PPFIA2: variants seen among roughly 807,000 people sequenced by gnomAD.
The protein encoded by PPFIA2 is liprin-alpha-2.
A neutral mutation model predicts 175.5 loss-of-function variants in PPFIA2; 46 were observed. The ratio of observed to expected loss-of-function variants is 0.26; its 90% CI spans 0.21 to 0.34. The LOEUF is 0.34. Ranked by LOEUF, PPFIA2 falls within the 10% of genes least tolerant of loss-of-function variation. The probability of loss-of-function intolerance (pLI) is 1.00; values close to 1 mark genes in which losing one functional copy is unlikely to be tolerated. For missense variants in PPFIA2, 1,179 were observed against 1,506.1 expected (o/e 0.78, Z 3.60); for synonymous variants, 568 against 511.4 (o/e 1.11, Z -1.49).
chr12:81,725,441 C>T (rs574019762), intron 3 of PPFIA2, among the ~76,000 whole-genome samples: 1 of 150,866 alleles, frequency 6.6e-6, no homozygotes, highest in East Asian at 2.0e-4. Context: ...AACAATTAAT[C>T]AATTGTTTAG....
intron 4 of PPFIA2, among the ~76,000 whole-genome samples, chr12:81,526,029 G>T (rs956297012): frequency 1.3e-5 from 2 of 151,986 alleles, no homozygotes; most frequent in African/African-American, 4.8e-5. Flanking sequence ...CAGGTCTCAG[G>T]TCTCAATAGC....
chr12:81,335,581 T>C (rs2056977567), intron 21 of PPFIA2, among the ~76,000 whole-genome samples: 1 of 151,994 alleles, frequency 6.6e-6, no homozygotes, highest in African/African-American at 2.4e-5. Context: ...CCATCTCTAC[T>C]GTAAATACAA....
At chr12:81,737,214 G>A (rs982152694) in intron 3 of PPFIA2, among the ~76,000 whole-genome samples, 1 of 151,970 alleles carries the variant, frequency 6.6e-6, no homozygotes, top group Non-Finnish European at 1.5e-5. Flanking sequence ...TGTGGAAAAA[G>A]GAGAGGCTGG....
At chr12:81,527,397 C>A (rs2063856099) in intron 4 of PPFIA2, among the ~76,000 whole-genome samples, 1 of 152,022 alleles carries the variant, frequency 6.6e-6, no homozygotes. Context: ...GAGTAAAATT[C>A]TTTGAAGAAG....
At chr12:81,500,139 T>A (rs1306500146) in intron 4 of PPFIA2, among the ~76,000 whole-genome samples, 1 of 152,052 alleles carries the variant, frequency 6.6e-6, no homozygotes, top group Non-Finnish European at 1.5e-5. Context: ...GCACTTATCT[T>A]CCCCCTTTGA....
In PPFIA2 at chr12:81,707,964, T is replaced by A. The variant is rs184136351; in HGVS notation, c.250-31120A>T. Among the ~76,000 whole-genome samples, 3 of 143,414 alleles carry A rather than the reference T, an allele frequency of 2.1e-5. No homozygotes were observed. In the South Asian group the frequency reaches 6.6e-4, roughly 32 times the overall value. The allele number at this position is 143,414 out of a possible 152,430, so 94.1% of individuals were successfully genotyped here. A position where few individuals can be genotyped will look rare whatever the true frequency, so the allele number is the denominator to read the frequency against. Reference sequence around the variant, plus strand: ...ACATATTCTCACTCATAGGTGGGAATTGAACAATGACAACACATGGACGCA... The same window carrying A: ...ACATATTCTCACTCATAGGTGGGAAATGAACAATGACAACACATGGACGCA... On this transcript the variant is annotated intron_variant, in intron 3 of 32. Transcript: ENST00000549396.
chr12:81,334,248 G>T (rs967528902), intron 21 of PPFIA2, among the ~76,000 whole-genome samples: 1 of 152,152 alleles, frequency 6.6e-6, no homozygotes, highest in Non-Finnish European at 1.5e-5. Flanking sequence ...CAATGTAGCA[G>T]ATAAAACTTT....
At chr12:81,587,802 T>C (rs181393274) in intron 4 of PPFIA2, among the ~76,000 whole-genome samples, 123 of 152,156 alleles carry the variant, frequency 8.1e-4, no homozygotes, top group Non-Finnish European at 1.5e-3. Flanking sequence ...GGGGTAACTC[T>C]AAGATCCTTG....
At chr12:81,624,776 T>C (rs1567617268) in intron 4 of PPFIA2, among the ~76,000 whole-genome samples, 1 of 151,122 alleles carries the variant, frequency 6.6e-6, no homozygotes, top group Non-Finnish European at 1.5e-5. Context: ...GAGATAAGCT[T>C]TGAGTATGCA....
chr12:81,402,728 C>G (rs2042289031), intron 8 of PPFIA2, among the ~76,000 whole-genome samples: 1 of 152,038 alleles, frequency 6.6e-6, no homozygotes. Flanking sequence ...GTGGCTCACG[C>G]CAGTAATGTT....
chr12:81,431,373 C>CA (rs147781499), intron 7 of PPFIA2: 1 of 151,956 alleles, frequency 6.6e-6, no homozygotes, highest in Admixed American at 6.6e-5. Context: ...TAATACTCTG[C>CA]AAAAAAATAA....
chr12:81,536,466 G>A (rs1255249045), intron 4 of PPFIA2, among the ~76,000 whole-genome samples: 3 of 150,880 alleles, frequency 2.0e-5, no homozygotes, highest in African/African-American at 7.3e-5. Flanking sequence ...ACCAACGAAA[G>A]ACAAGTATTG....
At chr12:81,601,297 G>A (rs923244638) in intron 4 of PPFIA2, among the ~76,000 whole-genome samples, 27 of 151,600 alleles carry the variant, frequency 1.8e-4, no homozygotes, top group Non-Finnish European at 3.1e-4. Flanking sequence ...ATGTTATCTC[G>A]TAATTCTGAA....
chr12:81,317,360 G>A (rs77463020), intron 22 of PPFIA2, among the ~76,000 whole-genome samples: 14,005 of 151,436 alleles, frequency 0.092, 841 homozygotes, highest in Middle Eastern at 0.16. Context: ...GAGTGATTGA[G>A]GGGTTTTAGG....
intron 13 of PPFIA2, among the ~76,000 whole-genome samples, chr12:81,368,431 G>A (rs1305575747): frequency 6.6e-6 from 1 of 151,490 alleles, no homozygotes; most frequent in African/African-American, 2.4e-5. Context: ...TGCATACCAG[G>A]CAAAGGATAT....
chr12:81,617,091 A>T (rs1206289624), intron 4 of PPFIA2, among the ~76,000 whole-genome samples: 1 of 152,188 alleles, frequency 6.6e-6, no homozygotes, highest in Non-Finnish European at 1.5e-5. Context: ...GTGGGAATTA[A>T]AGTAGGTTTT....
chr12:81,470,272 C>G (rs754336977), intron 4 of PPFIA2, among the ~76,000 whole-genome samples: 3 of 152,068 alleles, frequency 2.0e-5, no homozygotes, highest in Non-Finnish European at 2.9e-5. Flanking sequence ...TATACATGAA[C>G]AGATAATCTG....
At chr12:81,613,360 T>C (rs10506844) in intron 4 of PPFIA2, among the ~76,000 whole-genome samples, 4,345 of 152,230 alleles carry the variant, frequency 0.029, 212 homozygotes, top group African/African-American at 0.1. Flanking sequence ...TACAGATTAT[T>C]AGATGTTGAA....
At chr12:81,637,979 G>A (rs1388149067) in intron 4 of PPFIA2, among the ~76,000 whole-genome samples, 1 of 151,810 alleles carries the variant, frequency 6.6e-6, no homozygotes, top group Admixed American at 6.6e-5. Flanking sequence ...CGAGCTATAC[G>A]CTATCTTTTG....
Sources: gnomAD v4.1 joint callset for allele counts (sites outside exome capture counted in the v4.1 genomes callset) on GRCh38, gnomAD v4.1.1 for gene constraint, MANE v1.5 for transcripts, NCBI Gene and HGNC (gene_info 2026-07-23, HGNC 2026-07-21) for gene names.